Variants in PIK3C2G observed in about 807,000 individuals in gnomAD.
PIK3C2G encodes phosphatidylinositol 3-kinase C2 domain-containing subunit gamma.
Under a neutral mutation model 181.1 loss-of-function variants are expected in PIK3C2G, and 168 were observed. That is an observed-to-expected ratio of 0.93 (90% confidence interval 0.82 to 1.05). The LOEUF is 1.05. Among genes scored for constraint, PIK3C2G ranks in the 50% least tolerant of loss-of-function variants. The pLI is 0.00. For missense variants in PIK3C2G, 1,869 were observed against 1,732.8 expected, an observed-to-expected ratio of 1.08 and a Z score of -1.40; for synonymous variants, 573 against 592.2, an observed-to-expected ratio of 0.97 and a Z score of 0.47.
At position 18,623,411 on chromosome 12, in the gene PIK3C2G, G is replaced by A. The variant is rs372409698; in HGVS notation, c.4182+13782G>A. On this transcript the variant is annotated intron_variant, in intron 31 of 32. Transcript: ENST00000538779. ...ATTGGGTTGATATATTTATTTGTACGCCAGTACTAGCTGTTTAATTACTAT... is the reference window on the plus strand; with the variant it reads ...ATTGGGTTGATATATTTATTTGTACACCAGTACTAGCTGTTTAATTACTAT... 6.7e-4 allele frequency among the ~76,000 whole-genome samples: 101 copies of A among 151,732 alleles called. 1 individual carries two copies. The highest frequency in any genetic ancestry group is 3.5e-3 in the East Asian group (18 of 5,170).
At chr12:18,301,147 C>A (rs1565573032) in intron 5 of PIK3C2G, among the ~76,000 whole-genome samples, 1 of 152,066 alleles carries the variant, frequency 6.6e-6, no homozygotes, top group African/African-American at 2.4e-5. Flanking sequence ...TACTCTTTGT[C>A]TTTGGCTTTT....
At chr12:18,391,539 T>C (rs1943533262) in intron 15 of PIK3C2G, among the ~76,000 whole-genome samples, 2 of 152,152 alleles carry the variant, frequency 1.3e-5, no homozygotes. Context: ...CATCAGCACA[T>C]AGCAGTGATA....
At chr12:18,299,998 TG>T (rs1219313034) in intron 5 of PIK3C2G, among the ~76,000 whole-genome samples, 1 of 151,990 alleles carries the variant, frequency 6.6e-6, no homozygotes, top group Non-Finnish European at 1.5e-5. Context: ...TGTTATTTTT[TG>T]TGGTGGCTTT....
At chr12:18,584,004 T>C (rs1038608423) in intron 29 of PIK3C2G, among the ~76,000 whole-genome samples, 7 of 151,676 alleles carry the variant, frequency 4.6e-5, no homozygotes, top group African/African-American at 1.2e-4. Context: ...AAATAGACAG[T>C]TTTTTAAATA....
intron 30 of PIK3C2G, among the ~76,000 whole-genome samples, chr12:18,606,154 A>G (rs139220140): frequency 6.6e-6 from 1 of 152,210 alleles, no homozygotes; most frequent in East Asian, 1.9e-4. Flanking sequence ...TTTAGTTACT[A>G]ATCTTGAGCA....
intron 18 of PIK3C2G, among the ~76,000 whole-genome samples, chr12:18,472,508 C>T (rs1235262558): frequency 2.6e-5 from 4 of 152,158 alleles, no homozygotes; most frequent in Admixed American, 2.6e-4. Flanking sequence ...GAACTCTGGT[C>T]ATCACGATCA....
At chr12:18,723,328 T>G in the PIK3C2G span, 2 of 1,611,842 alleles carry the variant, frequency 1.2e-6, no homozygotes. Context: ...GATAGGCTCG[T>G]ATTTCTGAAT....
Position 18,399,863 on chromosome 12 carries a change from C to G in PIK3C2G, c.2315+16C>G. 6.5e-7 allele frequency: 1 copy of G among 1,531,356 alleles called. No homozygotes were observed. Among genetic ancestry groups the G allele is most frequent in the Non-Finnish European group, 8.9e-7 (1 of 1,121,824 alleles). 94.9% of individuals were successfully genotyped at this position (1,531,356 alleles called of 1,614,324 possible). Reference sequence around the variant, plus strand: ...TGACTTCCAGGTAAGAATTGCATAACAAGCATGATATTACTGACTGAGAAG... The same window carrying G: ...TGACTTCCAGGTAAGAATTGCATAAGAAGCATGATATTACTGACTGAGAAG... On this transcript the variant is annotated intron_variant, in intron 16 of 32. Transcript: ENST00000538779.
chr12:18,620,062 C>T (rs1948781217), intron 31 of PIK3C2G, among the ~76,000 whole-genome samples: 2 of 151,972 alleles, frequency 1.3e-5, no homozygotes, highest in Non-Finnish European at 2.9e-5. Flanking sequence ...TGTTTTATGT[C>T]CCAGGCATGA....
chr12:18,417,013 G>A (rs1302220643), intron 16 of PIK3C2G, among the ~76,000 whole-genome samples: 1 of 152,148 alleles, frequency 6.6e-6, no homozygotes, highest in Admixed American at 6.5e-5. Flanking sequence ...TAAGAACATT[G>A]GTGATTCATG....
At chr12:18,381,930 T>C in intron 14 of PIK3C2G, 50 bp downstream of exon 14, 5 of 1,101,978 alleles carry the variant, frequency 4.5e-6, no homozygotes, top group Non-Finnish European at 7.0e-6. Flanking sequence ...TATTGGTTGA[T>C]ACGTAGTTTG....
intron 30 of PIK3C2G, 112 bp from the exon 31 acceptor site, chr12:18,609,423 A>C: frequency 1.6e-6 from 1 of 630,796 alleles, no homozygotes; most frequent in Non-Finnish European, 2.8e-6. Flanking sequence ...TTATCTGAAG[A>C]ATGTTTCTTC....
chr12:18,658,787 TA>T, the PIK3C2G span, among the ~76,000 whole-genome samples: 3 of 152,304 alleles, frequency 2.0e-5, no homozygotes, highest in South Asian at 6.2e-4. Context: ...GAGAATGCTA[TA>T]CTTTAGCTTA....
Position 18,600,815 on chromosome 12 carries a change from A to G in PIK3C2G, c.4087+6246A>G, listed in dbSNP as rs1947668611. On this transcript the variant is annotated intron_variant, in intron 30 of 32. Transcript: ENST00000538779. ...AATATAATGCTTCAAAATGCAAGCA[A>G]AACTTTTACATTTTTCAAAAATACC... Among the ~76,000 whole-genome samples, 9 of 152,242 alleles carry G rather than the reference A, an allele frequency of 5.9e-5. No homozygotes were observed. The South Asian group carries it at 1.9e-3, about 32-fold the overall frequency.
chr12:18,540,711 C>A (rs189160662), intron 25 of PIK3C2G, among the ~76,000 whole-genome samples: 1 of 151,828 alleles, frequency 6.6e-6, no homozygotes, highest in Non-Finnish European at 1.5e-5. Flanking sequence ...TTATTCAGCT[C>A]TTTTAGGCTA....
intron 3 of PIK3C2G, among the ~76,000 whole-genome samples, chr12:18,289,416 A>G (rs1949592090): frequency 6.6e-6 from 1 of 152,204 alleles, no homozygotes; most frequent in African/African-American, 2.4e-5. Flanking sequence ...AAAATGGTAG[A>G]AGCTGAAATC....
chr12:18,272,648 CAATT>C (rs1264715966), intron 1 of PIK3C2G, among the ~76,000 whole-genome samples: 5 of 152,084 alleles, frequency 3.3e-5, no homozygotes, highest in East Asian at 1.9e-4. Flanking sequence ...TGTACAAAGA[CAATT>C]AATTCATTGT....
chr12:18,327,937 A>T (rs1346552609), intron 8 of PIK3C2G, among the ~76,000 whole-genome samples: 1 of 151,958 alleles, frequency 6.6e-6, no homozygotes, highest in Non-Finnish European at 1.5e-5. Context: ...AAAGCAGTAT[A>T]AAACTAAATC....
rs556768893 is a variant in PIK3C2G at position 18,594,540 on chromosome 12, CAGTT to C, written c.4059_4062del (p.Val1354LysfsTer8). On this transcript the variant is annotated frameshift_variant, in exon 30 of 33. Transcript: ENST00000538779. LOFTEE classifies it high-confidence loss of function. ...TTCCTCTCTGAGGCTGTGCAACAAA[CAGTT>C]GAAGAATCATCACCTGTGTACCTAG... is the stretch of plus-strand genomic sequence containing the variant. The C allele has an allele frequency of 2.3e-4, 363 of 1,552,596 alleles. No homozygotes were observed. The highest frequency in any genetic ancestry group is 4.1e-4 in the Admixed American group (20 of 48,410).
Sources: gnomAD v4.1 joint callset for allele counts (sites outside exome capture counted in the v4.1 genomes callset) on GRCh38, gnomAD v4.1.1 for gene constraint, MANE v1.5 for transcripts, NCBI Gene and HGNC (gene_info 2026-07-23, HGNC 2026-07-21) for gene names.